Variants in CEP85L observed in about 807,000 individuals in gnomAD.
The protein encoded by CEP85L is centrosomal protein of 85 kDa-like.
CEP85L carries 60 observed loss-of-function variants against 100.3 expected under a neutral mutation model. The ratio of observed to expected loss-of-function variants is 0.60; its 90% CI spans 0.49 to 0.74. The LOEUF is 0.74. Ranked by LOEUF, CEP85L falls within the 30% of genes least tolerant of loss-of-function variation. CEP85L has a pLI of 0.00. For synonymous variants in CEP85L, 319 were observed against 322.7 expected (o/e 0.99, Z 0.12); for missense variants, 973 against 936.2 (o/e 1.04, Z -0.51).
rs199952630 is a variant in CEP85L at position 118,672,099 on chromosome 6, C to T, written c.-27-19291G>A. Among the ~76,000 whole-genome samples, 12 of 152,194 alleles carry T rather than the reference C, an allele frequency of 7.9e-5. No homozygotes were observed. In the East Asian group the frequency reaches 1.9e-3, roughly 25 times the overall value. ...TTGCCCAGGTTGTAGTGCAGTGGTG[C>T]GATCTCAGCTCACTGCAACCTCTCC... On this transcript the variant is annotated intron_variant, in intron 1 of 13. Transcript: ENST00000368488.
intron 2 of CEP85L, among the ~76,000 whole-genome samples, chr6:118,591,069 G>A (rs1364243384): frequency 1.3e-5 from 2 of 152,102 alleles, no homozygotes; most frequent in East Asian, 3.9e-4. Context: ...CTCTCTACCA[G>A]GCTGAGAAGC....
At chr6:118,577,826 TG>T (rs1780331761) in intron 2 of CEP85L, among the ~76,000 whole-genome samples, 1 of 152,122 alleles carries the variant, frequency 6.6e-6, no homozygotes, top group African/African-American at 2.4e-5. Context: ...GTTTAGAAAA[TG>T]GAAGGGACTC....
chr6:118,615,354 C>T (rs1160878057), intron 2 of CEP85L, among the ~76,000 whole-genome samples: 1 of 149,834 alleles, frequency 6.7e-6, no homozygotes, highest in Non-Finnish European at 1.5e-5. Flanking sequence ...TAAGCTTATA[C>T]AGAAAGGAAA....
chr6:118,607,243 A>G (rs1290695901), intron 2 of CEP85L, among the ~76,000 whole-genome samples: 2 of 152,204 alleles, frequency 1.3e-5, no homozygotes, highest in African/African-American at 4.8e-5. Flanking sequence ...GTCTCTGGGC[A>G]AGATGGTCAC....
intron 5 of CEP85L, among the ~76,000 whole-genome samples, chr6:118,508,615 A>G (rs1248098491): frequency 6.6e-6 from 1 of 152,102 alleles, no homozygotes; most frequent in Non-Finnish European, 1.5e-5. Flanking sequence ...TCTTAATTGT[A>G]AGGTTAGTCA....
At chr6:118,488,951 G>A (rs1774370174) in intron 6 of CEP85L, among the ~76,000 whole-genome samples, 1 of 152,134 alleles carries the variant, frequency 6.6e-6, no homozygotes, top group Non-Finnish European at 1.5e-5. Flanking sequence ...CCAGAATAAT[G>A]TAAGAAGAAG....
intron 2 of CEP85L, among the ~76,000 whole-genome samples, chr6:118,567,239 G>A (rs1394349941): frequency 0.012 from 645 of 53,228 alleles, 3 homozygotes; most frequent in Non-Finnish European, 0.015. Context: ...GTGTGTGTGT[G>A]TGTGTGTGTG....
chr6:118,651,718 G>T (rs897892949), upstream of CEP85L: 207 of 888,546 alleles, frequency 2.3e-4, no homozygotes, highest in Non-Finnish European at 2.7e-4. Context: ...GACTGCGGGG[G>T]GCGGGTGAGC....
intron 1 of CEP85L, among the ~76,000 whole-genome samples, chr6:118,680,947 CGAG>C (rs534866397): frequency 5.7e-4 from 86 of 151,804 alleles, no homozygotes; most frequent in African/African-American, 2.0e-3. Flanking sequence ...GGCCTGACAA[CGAG>C]GAGGAGTTTA....
At chr6:118,516,075 G>T (rs1776258114) in intron 4 of CEP85L, among the ~76,000 whole-genome samples, 1 of 152,168 alleles carries the variant, frequency 6.6e-6, no homozygotes, top group Non-Finnish European at 1.5e-5. Context: ...CAAATGACAT[G>T]AACTCATCCG....
intron 2 of CEP85L, among the ~76,000 whole-genome samples, chr6:118,592,980 A>T (rs938639468): frequency 6.8e-6 from 1 of 147,130 alleles, no homozygotes; most frequent in Non-Finnish European, 1.5e-5. Context: ...AAAAAAGAAA[A>T]AGATAGTGAG....
chr6:118,650,585 T>C (rs912278787), intron 1 of CEP85L, among the ~76,000 whole-genome samples: 9 of 152,168 alleles, frequency 5.9e-5, no homozygotes, highest in African/African-American at 1.9e-4. Flanking sequence ...CCGCAGGGGC[T>C]GCGGGGCGGC....
intron 1 of CEP85L, among the ~76,000 whole-genome samples, chr6:118,706,893 C>T (rs1777609161): frequency 6.6e-6 from 1 of 152,190 alleles, no homozygotes; most frequent in African/African-American, 2.4e-5. Flanking sequence ...GGAATTCTTT[C>T]CCTATTAGTG....
intron 5 of CEP85L, among the ~76,000 whole-genome samples, chr6:118,504,665 G>T (rs1382149056): frequency 6.6e-6 from 1 of 152,180 alleles, no homozygotes; most frequent in African/African-American, 2.4e-5. Context: ...AACCCAGGGA[G>T]GGAGTTATGT....
At chr6:118,548,267 T>C (rs1167788594) in intron 3 of CEP85L, 3 of 152,170 alleles carry the variant, frequency 2.0e-5, no homozygotes, top group African/African-American at 7.2e-5. Flanking sequence ...TAGAACACTT[T>C]TTCTCCTCCA....
chr6:118,574,469 G>A (rs1305893376), intron 2 of CEP85L, among the ~76,000 whole-genome samples: 6 of 152,180 alleles, frequency 3.9e-5, no homozygotes, highest in Non-Finnish European at 8.8e-5. Context: ...AAAACGTTTT[G>A]CCTGAGTGCT....
intron 3 of CEP85L, among the ~76,000 whole-genome samples, chr6:118,548,624 G>C (rs1364590429): frequency 6.6e-6 from 1 of 151,932 alleles, no homozygotes; most frequent in African/African-American, 2.4e-5. Context: ...TTTGATCCTG[G>C]TTACTGGTTT....
intron 2 of CEP85L, among the ~76,000 whole-genome samples, chr6:118,615,055 A>T (rs1363594328): frequency 6.6e-6 from 1 of 152,244 alleles, no homozygotes; most frequent in East Asian, 1.9e-4. Flanking sequence ...CAACATATGC[A>T]TAGAAAATAT....
intron 1 of CEP85L, among the ~76,000 whole-genome samples, chr6:118,670,364 G>A (rs533586191): frequency 3.3e-5 from 5 of 151,880 alleles, no homozygotes; most frequent in Admixed American, 6.6e-5. Context: ...ATAGTTTTTC[G>A]ATCCTCACCC....
Sources: allele counts gnomAD v4.1 joint callset (sites outside exome capture counted in the v4.1 genomes callset), GRCh38; gene constraint gnomAD v4.1.1; transcripts MANE v1.5; gene names NCBI Gene and HGNC (gene_info 2026-07-23, HGNC 2026-07-21).